NCOA4: variants seen among roughly 807,000 people sequenced by gnomAD.
The protein encoded by NCOA4 is nuclear receptor coactivator 4.
NCOA4 carries 31 observed loss-of-function variants against 69.5 expected under a neutral mutation model. The ratio of observed to expected loss-of-function variants is 0.45; its 90% confidence interval spans 0.34 to 0.60. The LOEUF is 0.60. NCOA4 is among the 20% of genes least tolerant of loss of function. The pLI is 0.02. For synonymous variants in NCOA4, 228 were observed against 252.4 expected, an observed-to-expected ratio of 0.90 and a Z score of 0.92; for missense variants, 600 against 719.2, an observed-to-expected ratio of 0.83 and a Z score of 1.90.
chr10:46,005,346 C>A lies in NCOA4; in HGVS notation c.*1246G>T. The A allele has an allele frequency of 4.7e-6, 1 of 213,286 alleles. No homozygotes were observed. Among genetic ancestry groups the A allele is most frequent in the Middle Eastern group, 1.5e-3 (1 of 656 alleles). The allele number at this position is 213,286 out of a possible 1,614,324, so 13.2% of individuals were successfully genotyped here. A position where few individuals can be genotyped will look rare whatever the true frequency, so the allele number is the denominator to read the frequency against. On this transcript the variant is annotated 3_prime_UTR_variant, in exon 10 of 10. Coordinates refer to ENST00000581486, the MANE Select transcript of NCOA4 (RefSeq NM_001145263.2). ...TTAAAAAATAATACAAAGCTCTTTTCAGCTGTGGTTCAAAGAACTCTAGTG... is the reference window on the plus strand; with the variant it reads ...TTAAAAAATAATACAAAGCTCTTTTAAGCTGTGGTTCAAAGAACTCTAGTG...
At chr10:46,007,728 C>G (rs1838930583) in intron 9 of NCOA4, among the ~76,000 whole-genome samples, 1 of 151,628 alleles carries the variant, frequency 6.6e-6, no homozygotes, top group Admixed American at 6.6e-5. Flanking sequence ...GTAGCTGGGA[C>G]TATAGCACGC....
chr10:46,021,610 C>A (rs1554924372), intron 1 of NCOA4, among the ~76,000 whole-genome samples: 1 of 152,176 alleles, frequency 6.6e-6, no homozygotes, highest in South Asian at 2.1e-4. Flanking sequence ...TTTTCATAGT[C>A]CTCAGTAAAT....
At chr10:46,024,373 A>C (rs905079663) in intron 1 of NCOA4, among the ~76,000 whole-genome samples, 1 of 152,228 alleles carries the variant, frequency 6.6e-6, no homozygotes, top group Non-Finnish European at 1.5e-5. Context: ...AAAATGGCTG[A>C]TCACAATGTA....
In NCOA4 at chr10:46,009,499, T is replaced by C. The variant is rs782237788; in HGVS notation, c.1751A>G (p.His584Arg). The C allele has an allele frequency of 6.2e-7, 1 of 1,611,272 alleles. No individual in the cohort carries two copies. Residue 584 changes from histidine to arginine, a missense_variant, in exon 9 of 10, where the codon CAT (histidine) becomes CGT (arginine). Coordinates refer to ENST00000581486, the MANE Select transcript of NCOA4 (RefSeq NM_001145263.2). ...LQEEHNFPPD[H>R]YGLPAVCDLF... ...ATCACAAACTGCAGGGAGGCCATAA[T>C]GGTCTGGGGGGAAGTTATGTTCCTC...
intron 1 of NCOA4, chr10:46,023,350 C>A: frequency 5.1e-6 from 5 of 985,678 alleles, no homozygotes; most frequent in Non-Finnish European, 6.0e-6. Context: ...AGGTCACCGA[C>A]TCACCAGCTG....
chr10:46,027,313 G>T, intron 1 of NCOA4: 15 of 706,578 alleles, frequency 2.1e-5, no homozygotes, highest in East Asian at 3.2e-5. Flanking sequence ...TAAGACTGTA[G>T]TCATTCATAT....
chr10:46,016,288 G>A (rs782116121), intron 2 of NCOA4, among the ~76,000 whole-genome samples: 6 of 53,900 alleles, frequency 1.1e-4, no homozygotes, highest in Non-Finnish European at 2.3e-4. Flanking sequence ...AATCTAAGTA[G>A]TTAGTAATCT....
At chr10:46,020,491 C>A (rs1335744663) in intron 1 of NCOA4, among the ~76,000 whole-genome samples, 1 of 152,222 alleles carries the variant, frequency 6.6e-6, no homozygotes, top group Non-Finnish European at 1.5e-5. Context: ...AGGCTGTGAA[C>A]AGGACCTGAC....
At chr10:46,006,624 AG>A in intron 9 of NCOA4, 27 bp from the exon 10 acceptor site, 1 of 1,613,788 alleles carries the variant, frequency 6.2e-7, no homozygotes, top group East Asian at 2.2e-5. Flanking sequence ...ACAGATGATA[AG>A]TTACTTCAAT....
chr10:46,009,653 C>T, intron 8 of NCOA4, 102 bp from the exon 9 acceptor site: 1 of 1,139,264 alleles, frequency 8.8e-7, no homozygotes, highest in South Asian at 1.7e-5. Context: ...AAATGTTGGC[C>T]ATTCTCTGTA....
Position 46,005,819 on chromosome 10 carries a change from G to A in NCOA4, c.*773C>T, listed in dbSNP as rs1326784369. 1 of 209,326 alleles carries A rather than the reference G, an allele frequency of 4.8e-6. No individual in the cohort carries two copies. Among genetic ancestry groups the A allele is most frequent in the East Asian group, 7.3e-5 (1 of 13,792 alleles). The allele number at this position is 209,326 out of a possible 1,614,324, so 13.0% of individuals were successfully genotyped here. A position where few individuals can be genotyped will look rare whatever the true frequency, so the allele number is the denominator to read the frequency against. On this transcript the variant is annotated 3_prime_UTR_variant, in exon 10 of 10. Coordinates refer to ENST00000581486, the MANE Select transcript of NCOA4 (RefSeq NM_001145263.2). ...AACATGTCTTTTGCCTATTTGCTTA[G>A]TCGGTACTGGGGTTCTTTTAAGCCC...
rs1228773079 is a variant in NCOA4 at position 46,017,597 on chromosome 10, G to C, written c.-14-903C>G. On this transcript the variant is annotated intron_variant, in intron 1 of 9. Transcript: ENST00000581486. ...TATAGAGATACATGTTTTATATAGAGAGAATATATGTAATATATAATATAT... is the reference window on the plus strand; with the variant it reads ...TATAGAGATACATGTTTTATATAGACAGAATATATGTAATATATAATATAT... 3.9e-5 allele frequency among the ~76,000 whole-genome samples: 6 copies of C among 152,104 alleles called. No individual in the cohort carries two copies. The East Asian group carries it at 1.2e-3, about 29-fold the overall frequency.
At position 46,010,264 on chromosome 10, in the gene NCOA4, A is replaced by G; in HGVS notation, c.1657T>C (p.Ser553Pro). 1.2e-6 allele frequency: 2 copies of G among 1,613,108 alleles called. No homozygotes were observed. The highest frequency in any genetic ancestry group is 1.7e-6 in the Non-Finnish European group (2 of 1,179,694). ...AGCAGCCACTTGTCTTCTCCAGAAG[A>G]TAACTGGCTGAGGTTGCCCATCTTC... is the stretch of plus-strand genomic sequence containing the variant. ...GKKMGNLSQL[S>P]SGEDKWLLRK... is the part of the protein sequence containing the mutation. The change falls in exon 8 of 10, where the codon TCT becomes CCT. Residue 553 changes from serine (S) to proline (P), a missense_variant. Transcript: ENST00000581486.
At chr10:46,024,162 A>G (rs1840041376) in intron 1 of NCOA4, among the ~76,000 whole-genome samples, 1 of 152,212 alleles carries the variant, frequency 6.6e-6, no homozygotes, top group Non-Finnish European at 1.5e-5. Context: ...TATCAAAAAT[A>G]AGAAAATTTC....
chr10:46,014,807 C>G, intron 4 of NCOA4, 47 bp downstream of exon 4: 2 of 1,498,758 alleles, frequency 1.3e-6, no homozygotes, highest in South Asian at 1.2e-5. Context: ...TTTTAGTATA[C>G]CAAAGTTCAA....
chr10:46,018,211 A>G (rs1554923700), intron 1 of NCOA4, among the ~76,000 whole-genome samples: 1 of 152,250 alleles, frequency 6.6e-6, no homozygotes, highest in Non-Finnish European at 1.5e-5. Flanking sequence ...GACAAACATT[A>G]AAGCTGGAGG....
At chr10:46,012,808 CAT>C (rs2132331053) in intron 7 of NCOA4, 73 bp downstream of exon 7, 1 of 1,466,260 alleles carries the variant, frequency 6.8e-7, no homozygotes, top group African/African-American at 1.4e-5. Context: ...AACAATGACA[CAT>C]AGTACTACTG....
At chr10:46,029,087 T>C (rs1840319317) in intron 1 of NCOA4, among the ~76,000 whole-genome samples, 1 of 151,904 alleles carries the variant, frequency 6.6e-6, no homozygotes, top group Non-Finnish European at 1.5e-5. Context: ...TAAAATATCT[T>C]CTCTCCCTTT....
chr10:46,012,781 A>T, intron 7 of NCOA4, 102 bp downstream of exon 7: 1 of 1,210,818 alleles, frequency 8.3e-7, no homozygotes, highest in Non-Finnish European at 1.1e-6. Context: ...ATGTTTCCAG[A>T]CTGCAACCAA....
Sources: gnomAD v4.1 joint callset for allele counts (sites outside exome capture counted in the v4.1 genomes callset) on GRCh38, gnomAD v4.1.1 for gene constraint, MANE v1.5 for transcripts, NCBI Gene and HGNC (gene_info 2026-07-23, HGNC 2026-07-21) for gene names.